The following NT5C2 variants were observed in gnomAD, a reference collection of about 807,000 sequenced individuals.
NT5C2 encodes the protein 5'-nucleotidase, cytosolic II.
NT5C2 carries 58 observed loss-of-function variants against 76.1 expected under a neutral mutation model. That is an observed-to-expected ratio of 0.76 (90% CI 0.62 to 0.95). The LOEUF (loss-of-function observed/expected upper bound fraction) is 0.95. NT5C2 is among the 40% of genes least tolerant of loss of function. The probability of loss-of-function intolerance (pLI) is 0.00; values close to 1 mark genes in which losing one functional copy is unlikely to be tolerated. For missense variants in NT5C2, 478 were observed against 690.3 expected (o/e 0.69, Z 3.45); for synonymous variants, 229 against 237.4 (o/e 0.96, Z 0.32).
intron 1 of NT5C2, among the ~76,000 whole-genome samples, chr10:103,187,724 C>T (rs1221048002): frequency 6.6e-6 from 1 of 152,094 alleles, no homozygotes; most frequent in Admixed American, 6.6e-5. Flanking sequence ...AGCTGGTTTA[C>T]TTAGCAGCTC....
intron 3 of NT5C2, among the ~76,000 whole-genome samples, chr10:103,168,247 C>G (rs1214153042): frequency 1.3e-5 from 2 of 152,128 alleles, no homozygotes; most frequent in Non-Finnish European, 2.9e-5. Context: ...TAATAACGTG[C>G]CACATTTCAG....
intron 4 of NT5C2, chr10:103,125,089 T>G: frequency 3.2e-5 from 12 of 371,060 alleles, no homozygotes; most frequent in East Asian, 6.2e-5. Flanking sequence ...TGATGTCAGC[T>G]GAGATAGTTA....
intron 10 of NT5C2, chr10:103,098,357 T>A (rs1201746150): frequency 4.0e-6 from 1 of 247,988 alleles, no homozygotes; most frequent in Non-Finnish European, 7.7e-6. Context: ...CTTTAAAGCT[T>A]TCCTCATTAC....
chr10:103,166,028 G>T (rs75602818), intron 3 of NT5C2, among the ~76,000 whole-genome samples: 1 of 152,214 alleles, frequency 6.6e-6, no homozygotes, highest in Non-Finnish European at 1.5e-5. Context: ...AGATTCACAC[G>T]CAGTTGAGTA....
intron 12 of NT5C2, among the ~76,000 whole-genome samples, chr10:103,094,896 A>AAT (rs2067823551): frequency 6.6e-6 from 1 of 151,484 alleles, no homozygotes; most frequent in South Asian, 2.1e-4. Flanking sequence ...AAAAAAAAAA[A>AAT]TTGTGTCTAT....
intron 3 of NT5C2, among the ~76,000 whole-genome samples, chr10:103,169,824 A>T (rs907455939): frequency 1.3e-5 from 2 of 152,092 alleles, no homozygotes; most frequent in African/African-American, 2.4e-5. Context: ...CTAGAAAAAA[A>T]TTTTTTAAAT....
rs141050311 is a variant in NT5C2, at chr10:103,162,373, A to G, written c.101+12485T>C. ...ACCTTCCATAAATCAATATGGAAAA[A>G]AAAGACAACACAATTGGCAAACAAC... is the stretch of plus-strand genomic sequence containing the variant. On this transcript the variant is annotated intron_variant, in intron 3 of 18. Coordinates refer to ENST00000404739, the MANE Select transcript of NT5C2 (RefSeq NM_001351169.2). Among the ~76,000 whole-genome samples, 435 of 152,274 alleles carry G rather than the reference A, an allele frequency of 2.9e-3. 5 individuals are homozygous for G. Among genetic ancestry groups the G allele is most frequent in the African/African-American group, 9.8e-3 (408 of 41,548 alleles).
chr10:103,182,452 C>G (rs2091238661), intron 1 of NT5C2, among the ~76,000 whole-genome samples: 1 of 151,994 alleles, frequency 6.6e-6, no homozygotes, highest in Non-Finnish European at 1.5e-5. Flanking sequence ...GCCTGGCCAA[C>G]ATGGTGAAAC....
intron 18 of NT5C2, 110 bp downstream of exon 18, chr10:103,090,501 C>T (rs1462211829): frequency 2.1e-6 from 2 of 972,892 alleles, no homozygotes; most frequent in Non-Finnish European, 3.0e-6. Context: ...CCCCTGGGCT[C>T]TGTACATCAG....
chr10:103,094,988 A>G (rs2067849158), intron 12 of NT5C2, among the ~76,000 whole-genome samples: 1 of 148,698 alleles, frequency 6.7e-6, no homozygotes, highest in Admixed American at 6.8e-5. Flanking sequence ...ACATTAAATC[A>G]TTTCATCTAC....
In NT5C2 at chr10:103,181,320, A is replaced by T. The variant is rs1365498972; in HGVS notation, c.-160T>A. On this transcript the variant is annotated 5_prime_UTR_variant, in exon 2 of 19. Transcript: ENST00000404739. ...CACTGTACTCCAGCCTGGGCAGCAG[A>T]GCGAAACTCTGTCTCAAAAAAAAAA... 6.7e-6 allele frequency: 1 copy of T among 149,450 alleles called. No individual in the cohort carries two copies. Among genetic ancestry groups the T allele is most frequent in the Non-Finnish European group, 1.5e-5 (1 of 67,508 alleles). The allele number at this position is 149,450 out of a possible 1,614,324, so 9.3% of individuals were successfully genotyped here.
chr10:103,172,009 T>G (rs950322244), intron 3 of NT5C2, among the ~76,000 whole-genome samples: 2 of 151,966 alleles, frequency 1.3e-5, no homozygotes, highest in African/African-American at 2.4e-5. Context: ...CAGGAGTTTG[T>G]GACCAGCCTG....
At chr10:103,167,367 C>G (rs1565256581) in intron 3 of NT5C2, among the ~76,000 whole-genome samples, 1 of 152,010 alleles carries the variant, frequency 6.6e-6, no homozygotes, top group Non-Finnish European at 1.5e-5. Flanking sequence ...TCCAGAGGAC[C>G]TATATTTTCC....
intron 4 of NT5C2, among the ~76,000 whole-genome samples, chr10:103,120,099 A>C (rs2148199): frequency 8.2e-6 from 1 of 121,546 alleles, no homozygotes; most frequent in Non-Finnish European, 1.8e-5. Flanking sequence ...ACCCTGTTTC[A>C]AAAAAAAAAA....
intron 4 of NT5C2, among the ~76,000 whole-genome samples, chr10:103,112,718 C>T (rs146455666): frequency 7.6e-4 from 115 of 152,270 alleles, no homozygotes; most frequent in African/African-American, 2.6e-3. Context: ...TACAACACTA[C>T]CAACAGTCAC....
chr10:103,145,508 T>C (rs2081323563), intron 3 of NT5C2, among the ~76,000 whole-genome samples: 1 of 152,178 alleles, frequency 6.6e-6, no homozygotes. Flanking sequence ...CAATGTCAGT[T>C]TACTGTGTCA....
intron 4 of NT5C2, among the ~76,000 whole-genome samples, chr10:103,115,539 T>C (rs2074134809): frequency 6.6e-6 from 1 of 152,232 alleles, no homozygotes; most frequent in African/African-American, 2.4e-5. Context: ...GCTTTTATAA[T>C]TGGCAATAAA....
intron 1 of NT5C2, among the ~76,000 whole-genome samples, chr10:103,192,291 T>C (rs1299971411): frequency 6.6e-6 from 1 of 152,038 alleles, no homozygotes; most frequent in African/African-American, 2.4e-5. Flanking sequence ...CACACCCCCC[T>C]GTAATGGTGA....
intron 3 of NT5C2, among the ~76,000 whole-genome samples, chr10:103,165,675 A>AT (rs35146429): frequency 4.9e-4 from 70 of 142,582 alleles, no homozygotes; most frequent in Middle Eastern, 7.1e-3. Flanking sequence ...TCCCAAGAGA[A>AT]TTTTTTTTTT....
Sources: allele counts gnomAD v4.1 joint callset (sites outside exome capture counted in the v4.1 genomes callset), GRCh38; gene constraint gnomAD v4.1.1; transcripts MANE v1.5; gene names NCBI Gene and HGNC (gene_info 2026-07-23, HGNC 2026-07-21).